Variants in TRIO observed in about 807,000 individuals in gnomAD.
The protein encoded by TRIO is trio Rho guanine nucleotide exchange factor, also known as triple functional domain protein.
In TRIO, 58 loss-of-function variants were observed where a neutral mutation model predicts 351.9. The observed-to-expected ratio is 0.16, with a 90% CI of 0.13 to 0.21. The LOEUF is 0.21. TRIO is among the 10% of genes least tolerant of loss of function. The probability of loss-of-function intolerance (pLI) is 1.00; values close to 1 mark genes in which losing one functional copy is unlikely to be tolerated. For missense variants in TRIO, 3,201 were observed against 4,027.8 expected, an observed-to-expected ratio of 0.79 and a Z score of 5.56; for synonymous variants, 1,758 against 1,595.7, an observed-to-expected ratio of 1.10 and a Z score of -2.42.
At chr5:14,419,336 G>C (rs1448879963) in intron 33 of TRIO, among the ~76,000 whole-genome samples, 1 of 152,138 alleles carries the variant, frequency 6.6e-6, no homozygotes, top group African/African-American at 2.4e-5. Context: ...TGCCTGTTCA[G>C]TCCCGTTCTT....
chr5:14,209,315 C>A (rs998635985), intron 1 of TRIO, among the ~76,000 whole-genome samples: 1 of 152,164 alleles, frequency 6.6e-6, no homozygotes, highest in Non-Finnish European at 1.5e-5. Context: ...TATTTGCCAT[C>A]ATTTCTTAAA....
chr5:14,304,094 C>T (rs1410996994), intron 7 of TRIO, among the ~76,000 whole-genome samples: 4 of 152,144 alleles, frequency 2.6e-5, no homozygotes, highest in African/African-American at 9.7e-5. Flanking sequence ...TCTTTCTGTC[C>T]TCCCTTGCTA....
At chr5:14,479,197 A>G in intron 41 of TRIO, 64 bp from the exon 42 acceptor site, 1 of 1,322,268 alleles carries the variant, frequency 7.6e-7, no homozygotes, top group Non-Finnish European at 1.1e-6. Context: ...ATGTGCGGGT[A>G]CTCGTGTATT....
Position 14,368,698 on chromosome 5 carries a change from C to T in TRIO, c.2875-10C>T. The T allele has an allele frequency of 6.2e-7, 1 of 1,606,608 alleles. No homozygotes were observed. Among genetic ancestry groups the T allele is most frequent in the Non-Finnish European group, 8.5e-7 (1 of 1,174,074 alleles). On this transcript the variant is annotated splice_polypyrimidine_tract_variant and intron_variant, in intron 16 of 56. Transcript: ENST00000344204. ...ACAAATAAGCCTTCCCTTTTGTTCT[C>T]TGTCTCTAGAAAACACATCAGAGCG...
chr5:14,334,096 C>A (rs1423004836), intron 10 of TRIO, among the ~76,000 whole-genome samples: 1 of 152,242 alleles, frequency 6.6e-6, no homozygotes, highest in Admixed American at 6.5e-5. Flanking sequence ...AGTTACTGCA[C>A]CCCTCTGTGC....
chr5:14,317,806 C>T (rs1739501375), intron 9 of TRIO, among the ~76,000 whole-genome samples: 1 of 151,974 alleles, frequency 6.6e-6, no homozygotes, highest in Non-Finnish European at 1.5e-5. Context: ...GCCTGGCCAA[C>T]ATGGTGAAAC....
At chr5:14,498,048 G>C in intron 51 of TRIO, 41 bp from the exon 52 acceptor site, 6 of 1,613,660 alleles carry the variant, frequency 3.7e-6, no homozygotes, top group Non-Finnish European at 4.2e-6. Flanking sequence ...TGGAGGAGGA[G>C]CCAGGGCTGA....
At position 14,316,504 on chromosome 5, in the gene TRIO, T is replaced by G; in HGVS notation, c.1501-9T>G. 1 of 1,613,538 alleles carries G rather than the reference T, an allele frequency of 6.2e-7. No individual in the cohort carries two copies. The highest frequency in any genetic ancestry group is 8.5e-7 in the Non-Finnish European group (1 of 1,179,850). On this transcript the variant is annotated splice_polypyrimidine_tract_variant and intron_variant, in intron 8 of 56. Transcript: ENST00000344204. ...ATCGTGAAGAATCACTCATTTCTTTTGTGGGCAGGTCAGCCAAGATGGGAA... is the reference window on the plus strand; with the variant it reads ...ATCGTGAAGAATCACTCATTTCTTTGGTGGGCAGGTCAGCCAAGATGGGAA...
At position 14,492,592 on chromosome 5, in the gene TRIO, T is replaced by G; in HGVS notation, c.7658T>G (p.Ile2553Ser). 6.2e-7 allele frequency: 1 copy of G among 1,614,110 alleles called. No homozygotes were observed. The highest frequency in any genetic ancestry group is 2.2e-5 in the East Asian group (1 of 44,868). ...NGSESSSSSN[I>S]STMLVTHDYT... ...AGTGAAAGCAGCAGCAGTAGCAACA[T>G]CTCCACCATGTTGGTGACACACGAT... Residue 2553 changes from isoleucine to serine, a missense_variant, in exon 49 of 57, where the codon ATC becomes AGC. Transcript: ENST00000344204.
intron 33 of TRIO, among the ~76,000 whole-genome samples, chr5:14,408,932 C>T (rs1312066455): frequency 2.0e-5 from 3 of 151,738 alleles, no homozygotes; most frequent in Non-Finnish European, 2.9e-5. Context: ...GAAAAGTTAG[C>T]TTTGGAGGGT....
In TRIO at chr5:14,270,700, C is replaced by G. The variant is rs1015168625; in HGVS notation, c.158-125C>G. On this transcript the variant is annotated intron_variant, in intron 1 of 56. Transcript: ENST00000344204. ...TGGAATTTAAATGTTGTGCTATGATCATGTTTCTTAAGTTGATTTAATGGA... is the reference window on the plus strand; with the variant it reads ...TGGAATTTAAATGTTGTGCTATGATGATGTTTCTTAAGTTGATTTAATGGA... 1.3e-5 allele frequency: 9 copies of G among 719,554 alleles called. No individual in the cohort carries two copies. The Admixed American group carries it at 2.2e-4, about 18-fold the overall frequency. 44.6% of individuals were successfully genotyped at this position (719,554 alleles called of 1,614,324 possible).
chr5:14,378,251 C>A, intron 20 of TRIO, 124 bp downstream of exon 20: 1 of 650,462 alleles, frequency 1.5e-6, no homozygotes, highest in Non-Finnish European at 2.6e-6. Context: ...AACAGTATAG[C>A]CTTCTAGTTA....
At chr5:14,289,235 A>G (rs957745337) in intron 4 of TRIO, among the ~76,000 whole-genome samples, 9 of 152,196 alleles carry the variant, frequency 5.9e-5, no homozygotes, top group Non-Finnish European at 1.0e-4. Flanking sequence ...AAATACAAAA[A>G]TTAGCTGAGC....
intron 41 of TRIO, 169 bp downstream of exon 41, chr5:14,477,132 G>C (rs1416128638): frequency 1.7e-6 from 1 of 596,344 alleles, no homozygotes; most frequent in Non-Finnish European, 2.8e-6. Context: ...TCTTCAACAT[G>C]AGTTACCTGC....
chr5:14,397,188 T>C (rs764801367), intron 29 of TRIO, 34 bp downstream of exon 29: 1 of 1,530,230 alleles, frequency 6.5e-7, no homozygotes. Context: ...TGTGCATCTA[T>C]GCAGTTTCTA....
chr5:14,336,763 T>C (rs545911155), intron 11 of TRIO, 36 bp downstream of exon 11: 1 of 1,608,790 alleles, frequency 6.2e-7, no homozygotes, highest in East Asian at 2.2e-5. Context: ...GATCTGTGCT[T>C]GAAAGGGTCT....
intron 34 of TRIO, 69 bp downstream of exon 34, chr5:14,420,090 C>T: frequency 2.6e-6 from 4 of 1,561,484 alleles, no homozygotes; most frequent in Non-Finnish European, 3.5e-6. Flanking sequence ...TGTCTCCGCG[C>T]CTCTCCTGCC....
intron 39 of TRIO, 112 bp downstream of exon 39, chr5:14,472,770 CAAAA>C (rs1381717129): frequency 8.4e-7 from 1 of 1,189,802 alleles, no homozygotes; most frequent in Non-Finnish European, 1.2e-6. Context: ...ATTTTTGACC[CAAAA>C]TAAAAAGTGA....
chr5:14,361,181 A>C (rs1193003340), intron 13 of TRIO, among the ~76,000 whole-genome samples: 1 of 152,282 alleles, frequency 6.6e-6, no homozygotes, highest in Admixed American at 6.5e-5. Flanking sequence ...TACTTGAAAA[A>C]AAAAATCGAT....
Sources: allele counts gnomAD v4.1 joint callset (sites outside exome capture counted in the v4.1 genomes callset), GRCh38; gene constraint gnomAD v4.1.1; transcripts MANE v1.5; gene names NCBI Gene and HGNC (gene_info 2026-07-23, HGNC 2026-07-21).